Variants in OTOGL observed in about 807,000 individuals in gnomAD.
OTOGL encodes otogelin like.
In OTOGL, 285 loss-of-function variants were observed where a neutral mutation model predicts 318.5. The ratio of observed to expected loss-of-function variants is 0.89; its 90% confidence interval spans 0.81 to 0.99. OTOGL has a LOEUF of 0.99. Among genes scored for constraint, OTOGL ranks in the 50% least tolerant of loss-of-function variants. The pLI, the probability that OTOGL is intolerant of heterozygous loss-of-function variation, is 0.00. For missense variants in OTOGL, 2,899 were observed against 2,845.6 expected, an observed-to-expected ratio of 1.02 and a Z score of -0.43; for synonymous variants, 987 against 936.5, an observed-to-expected ratio of 1.05 and a Z score of -0.99.
intron 38 of OTOGL, among the ~76,000 whole-genome samples, chr12:80,334,707 A>G (rs1425665172): frequency 6.6e-6 from 1 of 152,150 alleles, no homozygotes; most frequent in Non-Finnish European, 1.5e-5. Context: ...GCTATACTGA[A>G]TATATTAATA....
At chr12:80,112,288 G>T (rs544113649) in intron 1 of OTOGL, among the ~76,000 whole-genome samples, 39 of 152,314 alleles carry the variant, frequency 2.6e-4, no homozygotes, top group Non-Finnish European at 4.3e-4. Context: ...ATGTGAAATA[G>T]AAGTTGTGAG....
At chr12:80,137,866 C>T (rs1013857148) in intron 1 of OTOGL, among the ~76,000 whole-genome samples, 6 of 152,066 alleles carry the variant, frequency 3.9e-5, no homozygotes, top group Non-Finnish European at 7.4e-5. Context: ...AGACCTGGTT[C>T]ACGTTGATAA....
chr12:80,313,642 C>T lies in OTOGL; in HGVS notation c.3607+10C>T. ...TCATCTACTGTTTGTTGTAAGTACC[C>T]TACTTAGAACATCATTATGTAGAGA... is the stretch of plus-strand genomic sequence containing the variant. On this transcript the variant is annotated intron_variant, in intron 31 of 58. Coordinates refer to ENST00000547103, the MANE Select transcript of OTOGL (RefSeq NM_001378609.3). The T allele has an allele frequency of 6.3e-7, 1 of 1,595,246 alleles. No homozygotes were observed. Among genetic ancestry groups the T allele is most frequent in the Non-Finnish European group, 8.6e-7 (1 of 1,166,252 alleles).
At chr12:80,239,559 TA>T in intron 11 of OTOGL, 120 bp downstream of exon 11, 1 of 692,528 alleles carries the variant, frequency 1.4e-6, no homozygotes, top group Non-Finnish European at 2.2e-6. Flanking sequence ...ATGTAAAATA[TA>T]AACTGCAAAC....
chr12:80,350,560 A>G (rs539533686), intron 44 of OTOGL, among the ~76,000 whole-genome samples: 61 of 152,298 alleles, frequency 4.0e-4, no homozygotes, highest in African/African-American at 1.4e-3. Flanking sequence ...ATCCTCGCCA[A>G]TGATCGTTAT....
Position 80,328,657 on chromosome 12 carries a change from A to G in OTOGL, c.4200-8A>G, listed in dbSNP as rs754779060. 3.8e-6 allele frequency: 6 copies of G among 1,574,440 alleles called. No homozygotes were observed. Among genetic ancestry groups the G allele is most frequent in the South Asian group, 3.4e-5 (3 of 88,680 alleles). On this transcript the variant is annotated splice_polypyrimidine_tract_variant and splice_region_variant and intron_variant, in intron 35 of 58. Coordinates refer to ENST00000547103, the MANE Select transcript of OTOGL (RefSeq NM_001378609.3). ...TTCACTTTGATTTACTCTTTTTTCCATGTAAAGGGTTGAAGGATGCTTGCC... is the reference window on the plus strand; with the variant it reads ...TTCACTTTGATTTACTCTTTTTTCCGTGTAAAGGGTTGAAGGATGCTTGCC...
Position 80,279,181 on chromosome 12 carries a change from C to T in OTOGL, c.2928+15C>T. The T allele has an allele frequency of 6.4e-7, 1 of 1,573,902 alleles. No individual in the cohort carries two copies. Among genetic ancestry groups the T allele is most frequent in the Non-Finnish European group, 8.6e-7 (1 of 1,166,874 alleles). On this transcript the variant is annotated intron_variant, in intron 26 of 58. Transcript: ENST00000547103. The stretch of plus-strand genomic sequence containing the variant: ...TTTTGATAAAGGTAGGTCACAGTTA[C>T]ACATTTTTATTTGCATTCGTGTAAA...
Position 80,360,429 on chromosome 12 carries a change from C to T in OTOGL, c.6267+1529C>T, listed in dbSNP as rs531344320. ...CTCTCCCCGCTCCCCTTTTCTCCCC[C>T]TCTCTCCCCCTCCCCCCCCTCGCTC... On this transcript the variant is annotated intron_variant, in intron 52 of 58. Transcript: ENST00000547103. 3.4e-3 allele frequency among the ~76,000 whole-genome samples: 398 copies of T among 118,014 alleles called. 5 individuals carry two copies. The highest frequency in any genetic ancestry group is 0.013 in the African/African-American group (385 of 30,276). The allele number at this position is 118,014 out of a possible 152,430, so 77.4% of individuals were successfully genotyped here.
intron 1 of OTOGL, among the ~76,000 whole-genome samples, chr12:80,195,990 C>A (rs886782661): frequency 3.9e-5 from 6 of 152,180 alleles, no homozygotes; most frequent in Admixed American, 6.5e-5. Flanking sequence ...CTGTTCATGC[C>A]TGTCTTGTCC....
intron 1 of OTOGL, among the ~76,000 whole-genome samples, chr12:80,122,573 T>C (rs1870548679): frequency 6.6e-6 from 1 of 152,204 alleles, no homozygotes; most frequent in African/African-American, 2.4e-5. Flanking sequence ...TAATTTCTTT[T>C]CATAGTCTTT....
At chr12:80,283,371 C>A (rs1410283833) in intron 26 of OTOGL, among the ~76,000 whole-genome samples, 1 of 151,916 alleles carries the variant, frequency 6.6e-6, no homozygotes, top group African/African-American at 2.4e-5. Context: ...TATGTCTTTT[C>A]TCAGTGTACT....
At chr12:80,103,159 G>A (rs1869242443) in intron 1 of OTOGL, 3 of 1,254,704 alleles carry the variant, frequency 2.4e-6, no homozygotes, top group African/African-American at 1.5e-5. Flanking sequence ...TAGTGTCCTC[G>A]TACAACCTGA....
intron 5 of OTOGL, among the ~76,000 whole-genome samples, chr12:80,219,259 G>A (rs991006464): frequency 2.0e-5 from 3 of 152,080 alleles, no homozygotes; most frequent in African/African-American, 7.2e-5. Flanking sequence ...CTACAGGCAT[G>A]CACCACCACA....
chr12:80,338,847 AAATGAAAGGC>A (rs1387011418), intron 42 of OTOGL, among the ~76,000 whole-genome samples: 3 of 152,048 alleles, frequency 2.0e-5, no homozygotes, highest in Non-Finnish European at 4.4e-5. Flanking sequence ...ATTTTGAGGA[AAATGAAAGGC>A]AATGACGTTA....
intron 44 of OTOGL, among the ~76,000 whole-genome samples, chr12:80,347,724 T>A (rs1024990461): frequency 6.6e-6 from 1 of 152,122 alleles, no homozygotes; most frequent in Non-Finnish European, 1.5e-5. Flanking sequence ...ATTGAACTAA[T>A]TTACACTCCC....
intron 1 of OTOGL, among the ~76,000 whole-genome samples, chr12:80,130,676 T>G (rs1387184121): frequency 6.6e-6 from 1 of 152,234 alleles, no homozygotes; most frequent in African/African-American, 2.4e-5. Flanking sequence ...AAAGGTATGC[T>G]GACTGAGCTT....
At chr12:80,258,502 T>A (rs1180489505) in intron 18 of OTOGL, among the ~76,000 whole-genome samples, 1 of 152,150 alleles carries the variant, frequency 6.6e-6, no homozygotes, top group African/African-American at 2.4e-5. Context: ...CTAGATACTG[T>A]GATTGTTGGT....
rs7957411 is a variant in OTOGL at position 80,151,100 on chromosome 12, A to G, written c.-20+51495A>G. 6.6e-3 allele frequency among the ~76,000 whole-genome samples: 1,004 copies of G among 152,320 alleles called. 15 individuals carry two copies. The highest frequency in any genetic ancestry group is 0.021 in the African/African-American group (890 of 41,572). ...AGCTTATGGATGGATTTCCCCAGTC[A>G]AAAATTTTCCTAGGAGGAAATTTGG... On this transcript the variant is annotated intron_variant, in intron 1 of 58. Coordinates refer to ENST00000547103, the MANE Select transcript of OTOGL (RefSeq NM_001378609.3).
At chr12:80,338,919 A>G (rs1052839312) in intron 42 of OTOGL, among the ~76,000 whole-genome samples, 156 bp from the exon 43 acceptor site, 1 of 152,034 alleles carries the variant, frequency 6.6e-6, no homozygotes, top group South Asian at 2.1e-4. Flanking sequence ...AAAATAGCTT[A>G]AAGGTTCTGA....
Sources: gnomAD v4.1 joint callset for allele counts (sites outside exome capture counted in the v4.1 genomes callset) on GRCh38, gnomAD v4.1.1 for gene constraint, MANE v1.5 for transcripts, NCBI Gene and HGNC (gene_info 2026-07-23, HGNC 2026-07-21) for gene names.